The following SAMMSON variants were observed in gnomAD, a reference collection of about 807,000 sequenced individuals.
SAMMSON encodes the protein survival associated mitochondrial melanoma specific oncogenic non-coding RNA.
intron 7 of SAMMSON, among the ~76,000 whole-genome samples, chr3:70,317,697 G>GA (rs1702505002): frequency 6.6e-6 from 1 of 151,058 alleles, no homozygotes; most frequent in East Asian, 1.9e-4. Flanking sequence ...AAATTAGGAG[G>GA]AAAAAAATTC....
At chr3:70,307,973 A>C (rs1238777605) in intron 7 of SAMMSON, among the ~76,000 whole-genome samples, 1 of 152,128 alleles carries the variant, frequency 6.6e-6, no homozygotes, top group Non-Finnish European at 1.5e-5. Flanking sequence ...GTGCAAAGAG[A>C]CTGACTGCCT....
intron 7 of SAMMSON, among the ~76,000 whole-genome samples, chr3:70,298,492 G>A (rs1202125560): frequency 1.3e-5 from 2 of 152,092 alleles, no homozygotes; most frequent in East Asian, 1.9e-4. Flanking sequence ...AAATATGAAT[G>A]AAGCAATATT....
chr3:70,028,143 TTTCC>T (rs540467067), intron 3 of SAMMSON, among the ~76,000 whole-genome samples: 9,805 of 130,594 alleles, frequency 0.075, 453 homozygotes, highest in South Asian at 0.11. Context: ...TCCTTCCTTC[TTTCC>T]TTCCTTCCTT....
chr3:70,093,977 T>C (rs1030683856), intron 4 of SAMMSON, among the ~76,000 whole-genome samples: 4 of 152,160 alleles, frequency 2.6e-5, no homozygotes, highest in Non-Finnish European at 5.9e-5. Context: ...AATGTTTTAT[T>C]TTGTGATATA....
intron 4 of SAMMSON, among the ~76,000 whole-genome samples, chr3:70,223,130 G>A (rs926353425): frequency 1.6e-4 from 25 of 152,120 alleles, no homozygotes; most frequent in African/African-American, 5.8e-4. Flanking sequence ...TCTGATGATT[G>A]TCATTGTTCT....
chr3:70,260,876 T>TA (rs1220387518), intron 6 of SAMMSON, among the ~76,000 whole-genome samples: 1 of 152,146 alleles, frequency 6.6e-6, no homozygotes, highest in African/African-American at 2.4e-5. Flanking sequence ...TTAGAGAATG[T>TA]ACCATCTTTT....
intron 7 of SAMMSON, among the ~76,000 whole-genome samples, chr3:70,335,017 C>T (rs1275440434): frequency 6.6e-6 from 1 of 151,046 alleles, no homozygotes; most frequent in African/African-American, 2.4e-5. Context: ...TCCAGGTTGT[C>T]CTGGAATTTC....
chr3:70,223,652 AT>A (rs968431328), intron 4 of SAMMSON, among the ~76,000 whole-genome samples: 3 of 152,132 alleles, frequency 2.0e-5, no homozygotes, highest in African/African-American at 7.2e-5. Context: ...TCACAGGTTC[AT>A]TCCCAAGACT....
At chr3:70,395,017 T>C (rs989575526) in intron 2 of SAMMSON, among the ~76,000 whole-genome samples, 23 of 152,238 alleles carry the variant, frequency 1.5e-4, no homozygotes, top group African/African-American at 5.3e-4. Context: ...TCTCTTAAAT[T>C]TTGTGCCAAA....
chr3:70,421,224 G>A (rs1029195592), intron 2 of SAMMSON, among the ~76,000 whole-genome samples: 14 of 151,736 alleles, frequency 9.2e-5, no homozygotes, highest in Admixed American at 5.2e-4. Context: ...GCTGACTCTC[G>A]GCATAAGGAA....
intron 4 of SAMMSON, among the ~76,000 whole-genome samples, chr3:70,201,082 G>A (rs1701233260): frequency 6.6e-6 from 1 of 151,688 alleles, no homozygotes; most frequent in South Asian, 2.1e-4. Context: ...CAGGGGTCAT[G>A]TGCTGGTTTG....
chr3:70,244,532 A>T (rs1199712803), intron 4 of SAMMSON, among the ~76,000 whole-genome samples: 1 of 152,204 alleles, frequency 6.6e-6, no homozygotes, highest in Non-Finnish European at 1.5e-5. Flanking sequence ...AGGCTAACAA[A>T]TCTATTTGAT....
chr3:70,157,700 T>A (rs1026965627), intron 4 of SAMMSON, among the ~76,000 whole-genome samples: 2 of 152,116 alleles, frequency 1.3e-5, no homozygotes, highest in Non-Finnish European at 2.9e-5. Context: ...CTAATGATTT[T>A]AGCTACCAAT....
intron 2 of SAMMSON, among the ~76,000 whole-genome samples, chr3:70,430,522 G>A (rs1007855232): frequency 1.3e-5 from 2 of 152,126 alleles, no homozygotes; most frequent in African/African-American, 4.8e-5. Flanking sequence ...GAGACATTGA[G>A]CTTGAGGCCT....
intron 3 of SAMMSON, among the ~76,000 whole-genome samples, chr3:70,023,182 C>T (rs545126419): frequency 6.6e-6 from 1 of 152,148 alleles, no homozygotes; most frequent in African/African-American, 2.4e-5. Context: ...TTAGGCCAGG[C>T]ACGGTGGCTC....
At chr3:70,004,258 G>A (rs2066917414) in intron 1 of SAMMSON, among the ~76,000 whole-genome samples, 1 of 152,048 alleles carries the variant, frequency 6.6e-6, no homozygotes, top group Non-Finnish European at 1.5e-5. Context: ...CAGACATTTT[G>A]TTAACAACAC....
chr3:70,068,830 C>T (rs2067219859), intron 3 of SAMMSON: 1 of 152,080 alleles, frequency 6.6e-6, no homozygotes, highest in Non-Finnish European at 1.5e-5. Flanking sequence ...TTCTAAATGA[C>T]TTCAGGATTA....
intron 3 of SAMMSON, chr3:70,025,348 G>A (rs936854052): frequency 2.6e-5 from 4 of 152,122 alleles, no homozygotes; most frequent in East Asian, 1.9e-4. Context: ...AGGTTCAAAC[G>A]ATTCTTCTGC....
chr3:70,191,154 CAAAG>C (rs1293707686), intron 4 of SAMMSON, among the ~76,000 whole-genome samples: 1 of 152,096 alleles, frequency 6.6e-6, no homozygotes, highest in Admixed American at 6.5e-5. Context: ...AAAGAGGAAA[CAAAG>C]AGGATGTTGG....
Sources: gnomAD v4.1 joint callset for allele counts (sites outside exome capture counted in the v4.1 genomes callset) on GRCh38, gnomAD v4.1.1 for gene constraint, MANE v1.5 for transcripts, NCBI Gene and HGNC (gene_info 2026-07-23, HGNC 2026-07-21) for gene names.